The following PNMA6E variants were observed in gnomAD, a reference collection of about 807,000 sequenced individuals.
PNMA6E encodes paraneoplastic antigen Ma6E.
For synonymous variants in PNMA6E, 43 were observed against 17.1 expected (o/e 2.52, Z -3.74); for missense variants, 78 against 50.8 (o/e 1.53, Z -1.63).
At chrX:153,403,004 T>G (rs2088861371), upstream of PNMA6E, among the ~76,000 whole-genome samples, 1 of 112,879 alleles carries the variant, frequency 8.9e-6, no homozygotes, top group South Asian at 3.6e-4. Flanking sequence ...GCAATGTGCC[T>G]ACACGTGTTT....
the PNMA6E span, among the ~76,000 whole-genome samples, chrX:153,406,936 G>A: frequency 8.9e-6 from 1 of 112,247 alleles, no homozygotes; most frequent in Non-Finnish European, 1.9e-5. Flanking sequence ...ATGATGGGAG[G>A]TGGAGGGTGG....
upstream of PNMA6E, chrX:153,401,518 T>A (rs905677520): frequency 9.0e-6 from 1 of 111,661 alleles, no homozygotes; most frequent in Non-Finnish European, 1.9e-5. Flanking sequence ...AATGCACTGT[T>A]GTTACCATGA....
intron 1 of PNMA6E, among the ~76,000 whole-genome samples, chrX:153,400,335 C>A (rs1556971054): frequency 8.9e-6 from 1 of 112,683 alleles, no homozygotes; most frequent in African/African-American, 3.2e-5. Context: ...GCCAGGCAGC[C>A]TCCGGCTCCG....
the PNMA6E span, among the ~76,000 whole-genome samples, chrX:153,410,002 CA>C: frequency 8.9e-6 from 1 of 112,162 alleles, no homozygotes; most frequent in Admixed American, 9.4e-5. Context: ...GCTGCCGCAG[CA>C]AATGACCACA....
chrX:153,407,279 G>A, the PNMA6E span, among the ~76,000 whole-genome samples: 1 of 111,933 alleles, frequency 8.9e-6, no homozygotes, highest in South Asian at 3.7e-4. Flanking sequence ...TGACCCTCCT[G>A]GCTTTGGTCC....
chrX:153,400,893 G>A (rs1234674152), intron 1 of PNMA6E, among the ~76,000 whole-genome samples: 1 of 101,504 alleles, frequency 9.9e-6, no homozygotes, highest in Non-Finnish European at 2.0e-5. Context: ...AGCACTGGGC[G>A]AGTCACCCTC....
intron 1 of PNMA6E, among the ~76,000 whole-genome samples, chrX:153,399,311 G>T (rs782333113): frequency 6.0e-3 from 175 of 29,116 alleles, no homozygotes; most frequent in Non-Finnish European, 0.013. Context: ...CTTGTGTGTT[G>T]TGTGTGTGTG....
chrX:153,403,414 TGA>T (rs2088863237), upstream of PNMA6E, among the ~76,000 whole-genome samples: 1 of 112,064 alleles, frequency 8.9e-6, no homozygotes, highest in Non-Finnish European at 1.9e-5. Context: ...GTTTGACTTA[TGA>T]TTTTTCAACT....
chrX:153,413,274 A>G, the PNMA6E span, among the ~76,000 whole-genome samples: 5 of 103,126 alleles, frequency 4.8e-5, no homozygotes, highest in African/African-American at 1.4e-4. Context: ...TTTTCTGGGA[A>G]TATCTCCCCA....
At chrX:153,398,952 CCAAA>C (rs1265809817) in intron 1 of PNMA6E, 32 bp from the exon 2 acceptor site, 6 of 294,664 alleles carry the variant, frequency 2.0e-5, no homozygotes, top group African/African-American at 5.5e-5. Flanking sequence ...CTTGTTTGTG[CCAAA>C]CACTCACTCC....
Position 153,397,900 on chromosome X carries a change from G to A in PNMA6E, c.950C>T (p.Ala317Val), listed in dbSNP as rs1042395517. ...CTLQPVLENRAYRELRPFSRR... is the reference protein window; with the variant it reads ...CTLQPVLENRVYRELRPFSRR... The stretch of plus-strand genomic sequence containing the variant: ...GGAAAAGGGTCTCAATTCCCGGTAG[G>A]CCCTGTTTTCCAGCACAGGCTGTAG... The change falls in exon 2 of 2, where the codon GCC becomes GTC. Residue 317 changes from alanine (A) to valine (V), a missense_variant. Coordinates refer to ENST00000445091, the MANE Select transcript of PNMA6E (RefSeq NM_001367770.1). 2 of 343,824 alleles carry A rather than the reference G, an allele frequency of 5.8e-6. No homozygotes were observed. The highest frequency in any genetic ancestry group is 1.0e-4 in the Admixed American group (2 of 19,650). 28.3% of individuals were successfully genotyped at this position (343,824 alleles called of 1,213,427 possible). A position where few individuals can be genotyped will look rare whatever the true frequency, so the allele number is the denominator to read the frequency against.
upstream of PNMA6E, among the ~76,000 whole-genome samples, chrX:153,403,149 A>G (rs1436065930): frequency 8.9e-6 from 1 of 111,844 alleles, no homozygotes; most frequent in Admixed American, 9.5e-5. Flanking sequence ...CTTCTCTCCT[A>G]GGAGTCCATA....
rs193069612 is a variant in PNMA6E, at chrX:153,399,053, T to C, written c.-71-133A>G. ...CCTTGTTTTGTCGCTTTGATTTTAGTGAAATTTTGATGGCAAAATTAAATT... is the reference window on the plus strand; with the variant it reads ...CCTTGTTTTGTCGCTTTGATTTTAGCGAAATTTTGATGGCAAAATTAAATT... On this transcript the variant is annotated intron_variant, in intron 1 of 1. Transcript: ENST00000445091. 599 of 279,299 alleles carry C rather than the reference T, an allele frequency of 2.1e-3. 3 individuals carry two copies. The highest frequency in any genetic ancestry group is 0.012 in the African/African-American group (419 of 36,130). 23.0% of individuals were successfully genotyped at this position (279,299 alleles called of 1,213,427 possible). A position where few individuals can be genotyped will look rare whatever the true frequency, so the allele number is the denominator to read the frequency against.
chrX:153,409,154 C>T, the PNMA6E span, among the ~76,000 whole-genome samples: 3 of 113,157 alleles, frequency 2.7e-5, no homozygotes, highest in African/African-American at 9.6e-5. Context: ...CTCACCTGCC[C>T]GTCCTGGGCC....
Position 153,396,944 on chromosome X carries a change from C to T in PNMA6E, c.1906G>A (p.Gly636Arg), listed in dbSNP as rs986455520. 1.7e-5 allele frequency: 5 copies of T among 297,799 alleles called. No individual in the cohort carries two copies. Among genetic ancestry groups the T allele is most frequent in the South Asian group, 4.0e-4 (2 of 5,061 alleles). 24.5% of individuals were successfully genotyped at this position (297,799 alleles called of 1,213,427 possible). A position where few individuals can be genotyped will look rare whatever the true frequency, so the allele number is the denominator to read the frequency against. Residue 636 changes from glycine to arginine, a missense_variant, in exon 2 of 2, where the codon GGG (glycine) becomes AGG (arginine). Physicochemically the swap from Gly to Arg is moderately radical, Grantham distance 125. Coordinates refer to ENST00000445091, the MANE Select transcript of PNMA6E (RefSeq NM_001367770.1). The stretch of plus-strand genomic sequence containing the variant: ...GAGGACTTGGGCTGGCCCTCGTCCC[C>T]GGCCCCATCCTCATCCTCGTTTTCC... ...EPENEDEDGAGDEGQPKSSQG... is the reference protein window; with the variant it reads ...EPENEDEDGARDEGQPKSSQG...
chrX:153,404,087 C>G (rs997447255), upstream of PNMA6E: 4 of 104,121 alleles, frequency 3.8e-5, no homozygotes, highest in African/African-American at 1.4e-4. Flanking sequence ...AAGCAATCCT[C>G]CCACCTCAGC....
Position 153,397,007 on chromosome X carries a change from G to T in PNMA6E, c.1843C>A (p.Pro615Thr). 6.7e-6 allele frequency: 2 copies of T among 297,977 alleles called. No individual in the cohort carries two copies. Among genetic ancestry groups the T allele is most frequent in the East Asian group, 4.7e-5 (1 of 21,059 alleles). The allele number at this position is 297,977 out of a possible 1,213,427, so 24.6% of individuals were successfully genotyped here. A position where few individuals can be genotyped will look rare whatever the true frequency, so the allele number is the denominator to read the frequency against. ...IQVRGQEARK[P>T]PLEGLQTILE... ...ATGGTCTGGAGCCCCTCCAGTGGGG[G>T]TTTCCTGGCTTCCTGGCCTCTCACC... Residue 615 changes from proline (P) to threonine (T), a missense_variant, in exon 2 of 2, where the codon CCC becomes ACC. Pro to Thr is a conservative substitution (Grantham distance 38). Transcript: ENST00000445091.
chrX:153,399,676 G>A (rs914317514), intron 1 of PNMA6E, among the ~76,000 whole-genome samples: 1 of 111,401 alleles, frequency 9.0e-6, no homozygotes, highest in South Asian at 3.8e-4. Context: ...TCTTGCTAGG[G>A]TTCATTAATT....
upstream of PNMA6E, among the ~76,000 whole-genome samples, chrX:153,405,839 C>T (rs371157622): frequency 3.1e-4 from 35 of 111,304 alleles, 1 homozygote; most frequent in South Asian, 0.013. Context: ...GACCCTAACC[C>T]AGAACCCCTC....
Sources: allele counts gnomAD v4.1 joint callset (sites outside exome capture counted in the v4.1 genomes callset), GRCh38; gene constraint gnomAD v4.1.1; transcripts MANE v1.5; gene names NCBI Gene and HGNC (gene_info 2026-07-23, HGNC 2026-07-21).